The following PPFIA2 variants were observed in gnomAD, a reference collection of about 807,000 sequenced individuals.
PPFIA2 encodes liprin-alpha-2.
Under a neutral mutation model 175.5 loss-of-function variants are expected in PPFIA2, and 46 were observed. The ratio of observed to expected loss-of-function variants is 0.26; its 90% CI spans 0.21 to 0.34. The LOEUF (loss-of-function observed/expected upper bound fraction) is 0.34. PPFIA2 is among the 10% of genes least tolerant of loss of function. PPFIA2 has a pLI of 1.00. For missense variants in PPFIA2, 1,179 were observed against 1,506.1 expected (o/e 0.78, Z 3.60); for synonymous variants, 568 against 511.4 (o/e 1.11, Z -1.49).
chr12:81,378,364 A>C (rs2141826027), intron 9 of PPFIA2, among the ~76,000 whole-genome samples: 1 of 152,208 alleles, frequency 6.6e-6, no homozygotes, highest in South Asian at 2.1e-4. Context: ...CCCAGTCAAA[A>C]GCTACTTGAT....
chr12:81,571,391 C>T (rs1204758430), intron 4 of PPFIA2, among the ~76,000 whole-genome samples: 1 of 152,060 alleles, frequency 6.6e-6, no homozygotes, highest in Admixed American at 6.6e-5. Flanking sequence ...ATCCTACCAC[C>T]TCTCCCTGCT....
rs1175912141 is a variant in PPFIA2, at chr12:81,758,429, C to T, written c.-32G>A. On this transcript the variant is annotated 5_prime_UTR_variant, in exon 2 of 33. Coordinates refer to ENST00000549396, the MANE Select transcript of PPFIA2 (RefSeq NM_003625.5). Reference sequence around the variant, plus strand: ...TGTCTGTGATTTCGGGTCCTTGCTTCTTCAATTGATCAATGACAACCGCAG... The same window carrying T: ...TGTCTGTGATTTCGGGTCCTTGCTTTTTCAATTGATCAATGACAACCGCAG... 3.3e-5 allele frequency: 15 copies of T among 456,480 alleles called. No individual in the cohort carries two copies. 28.3% of individuals were successfully genotyped at this position (456,480 alleles called of 1,614,324 possible). A position where few individuals can be genotyped will look rare whatever the true frequency, so the allele number is the denominator to read the frequency against.
intron 9 of PPFIA2, among the ~76,000 whole-genome samples, chr12:81,377,698 G>A (rs2036696778): frequency 6.6e-6 from 1 of 152,072 alleles, no homozygotes; most frequent in Non-Finnish European, 1.5e-5. Flanking sequence ...TGCTGCCTGA[G>A]AGATATTTCT....
chr12:81,272,895 A>ACT (rs2039503925), intron 28 of PPFIA2, among the ~76,000 whole-genome samples: 1 of 152,342 alleles, frequency 6.6e-6, no homozygotes, highest in South Asian at 2.1e-4. Context: ...CCTTCACTAT[A>ACT]GTAACCATTT....
intron 13 of PPFIA2, among the ~76,000 whole-genome samples, chr12:81,367,922 T>A (rs2033986975): frequency 6.6e-6 from 1 of 151,874 alleles, no homozygotes; most frequent in Middle Eastern, 3.4e-3. Context: ...TGAAGTTGTA[T>A]GAGAGGAAGT....
intron 24 of PPFIA2, among the ~76,000 whole-genome samples, chr12:81,291,560 T>A (rs2044995189): frequency 6.6e-6 from 1 of 152,002 alleles, no homozygotes; most frequent in African/African-American, 2.4e-5. Context: ...AATATTTACA[T>A]AATATCTAAA....
intron 21 of PPFIA2, among the ~76,000 whole-genome samples, chr12:81,334,487 A>AT (rs1257401158): frequency 1.2e-5 from 1 of 85,284 alleles, no homozygotes; most frequent in Non-Finnish European, 2.6e-5. Context: ...CTCTCCCTCC[A>AT]CCAAAAAAAA....
In PPFIA2 at chr12:81,468,623, T is replaced by A. The variant is rs1014413837; in HGVS notation, c.304-10757A>T. 5.3e-5 allele frequency among the ~76,000 whole-genome samples: 8 copies of A among 152,150 alleles called. No individual in the cohort carries two copies. In the East Asian group the frequency reaches 1.2e-3, roughly 22 times the overall value. Reference sequence around the variant, plus strand: ...CAACATAGCTCAACAAAGCTCTAACTCTAAACAAAACAAAACAAAACAAAA... The same window carrying A: ...CAACATAGCTCAACAAAGCTCTAACACTAAACAAAACAAAACAAAACAAAA... On this transcript the variant is annotated intron_variant, in intron 4 of 32. Transcript: ENST00000549396.
intron 4 of PPFIA2, chr12:81,598,263 T>C: frequency 7.8e-7 from 1 of 1,279,924 alleles, no homozygotes; most frequent in Non-Finnish European, 9.9e-7. Flanking sequence ...CTCTAGAACA[T>C]ACAATGTTTT....
At chr12:81,506,537 A>G (rs1307601404) in intron 4 of PPFIA2, among the ~76,000 whole-genome samples, 1 of 152,218 alleles carries the variant, frequency 6.6e-6, no homozygotes, top group Non-Finnish European at 1.5e-5. Flanking sequence ...CAAAGGATAC[A>G]ACTAACTTTT....
intron 4 of PPFIA2, among the ~76,000 whole-genome samples, chr12:81,642,830 G>A (rs1234348536): frequency 1.6e-5 from 2 of 124,120 alleles, no homozygotes; most frequent in Non-Finnish European, 3.3e-5. Context: ...GTATATGTAT[G>A]TATGTATTAC....
chr12:81,577,197 G>A (rs2073700853), intron 4 of PPFIA2, among the ~76,000 whole-genome samples: 1 of 151,732 alleles, frequency 6.6e-6, no homozygotes, highest in Non-Finnish European at 1.5e-5. Context: ...CCCAAATAAT[G>A]AGCTTAGTAA....
In PPFIA2 at chr12:81,295,135, CT is replaced by C. The variant is rs1170697936; in HGVS notation, c.2725-101del. ...ATTTTATGTATCTTACATACATGAC[CT>C]CACCCCACGAGATAAAATGTTATCA... is the stretch of plus-strand genomic sequence containing the variant. On this transcript the variant is annotated intron_variant, in intron 23 of 32. Coordinates refer to ENST00000549396, the MANE Select transcript of PPFIA2 (RefSeq NM_003625.5). 4 of 1,027,602 alleles carry C rather than the reference CT, an allele frequency of 3.9e-6. No individual in the cohort carries two copies. The African/African-American group carries it at 6.4e-5, about 16-fold the overall frequency. The allele number at this position is 1,027,602 out of a possible 1,614,324, so 63.7% of individuals were successfully genotyped here.
At chr12:81,406,285 G>A (rs945627860) in intron 7 of PPFIA2, among the ~76,000 whole-genome samples, 15 of 151,858 alleles carry the variant, frequency 9.9e-5, no homozygotes, top group Non-Finnish European at 1.8e-4. Flanking sequence ...TATTTTTAAA[G>A]TATACAAGAA....
intron 4 of PPFIA2, among the ~76,000 whole-genome samples, chr12:81,637,478 G>A (rs974326832): frequency 1.2e-4 from 18 of 151,248 alleles, no homozygotes; most frequent in African/African-American, 4.4e-4. Context: ...TCAAATATTT[G>A]GATTCTTCCA....
chr12:81,344,473 C>A (rs11114829), intron 19 of PPFIA2, among the ~76,000 whole-genome samples, 191 bp downstream of exon 19: 53,557 of 150,988 alleles, frequency 0.35, 10,278 homozygotes, highest in East Asian at 0.51. Flanking sequence ...AATTATTGCT[C>A]CAGAAATCAT....
chr12:81,466,851 T>C (rs890964322), intron 4 of PPFIA2, among the ~76,000 whole-genome samples: 1 of 147,890 alleles, frequency 6.8e-6, no homozygotes, highest in Non-Finnish European at 1.5e-5. Flanking sequence ...ATTCATCTAT[T>C]AAAAAATATA....
At chr12:81,577,240 AC>A (rs1386373889) in intron 4 of PPFIA2, among the ~76,000 whole-genome samples, 1 of 151,874 alleles carries the variant, frequency 6.6e-6, no homozygotes, top group Non-Finnish European at 1.5e-5. Flanking sequence ...GGAAAACCAG[AC>A]ATTATAGTAA....
At chr12:81,658,034 C>T (rs984319162) in intron 4 of PPFIA2, among the ~76,000 whole-genome samples, 5 of 151,882 alleles carry the variant, frequency 3.3e-5, no homozygotes, top group African/African-American at 4.8e-5. Flanking sequence ...AGTGGGAGGC[C>T]GAGGCGTGTG....
Sources: allele counts gnomAD v4.1 joint callset (sites outside exome capture counted in the v4.1 genomes callset), GRCh38; gene constraint gnomAD v4.1.1; transcripts MANE v1.5; gene names NCBI Gene and HGNC (gene_info 2026-07-23, HGNC 2026-07-21).